The following GRK5 variants were observed in gnomAD, a reference collection of about 807,000 sequenced individuals.
The protein encoded by GRK5 is g protein-coupled receptor kinase GRK5.
A neutral mutation model predicts 78.4 loss-of-function variants in GRK5; 40 were observed. That is an observed-to-expected ratio of 0.51 (90% confidence interval 0.40 to 0.66). The LOEUF (loss-of-function observed/expected upper bound fraction) is 0.66. Among genes scored for constraint, GRK5 ranks in the 30% least tolerant of loss-of-function variants. The pLI is 0.00. For synonymous variants in GRK5, 289 were observed against 296.8 expected (o/e 0.97, Z 0.27); for missense variants, 598 against 759.9 (o/e 0.79, Z 2.50).
intron 4 of GRK5, among the ~76,000 whole-genome samples, chr10:119,409,493 G>A (rs1564923489): frequency 1.3e-5 from 2 of 152,140 alleles, no homozygotes; most frequent in Admixed American, 6.5e-5. Context: ...AGTGTTTCCT[G>A]TCCAGAATGC....
chr10:119,395,825 C>T (rs889451058), intron 3 of GRK5, among the ~76,000 whole-genome samples: 2 of 152,100 alleles, frequency 1.3e-5, no homozygotes, highest in Admixed American at 6.5e-5. Context: ...CTTGGAGGTT[C>T]GAGTCCCAGC....
chr10:119,455,259 A>T lies in GRK5; in HGVS notation c.*192A>T. On this transcript the variant is annotated 3_prime_UTR_variant, in exon 16 of 16. Transcript: ENST00000392870. ...AATTTCCACTCAGGTCTGTTTTCCGAGGCGGCCCCGGCCGGGGTGGATTGG... is the reference window on the plus strand; with the variant it reads ...AATTTCCACTCAGGTCTGTTTTCCGTGGCGGCCCCGGCCGGGGTGGATTGG... 1.4e-6 allele frequency: 1 copy of T among 701,962 alleles called. No homozygotes were observed. Among genetic ancestry groups the T allele is most frequent in the Non-Finnish European group, 2.6e-6 (1 of 385,256 alleles). The allele number at this position is 701,962 out of a possible 1,614,324, so 43.5% of individuals were successfully genotyped here. A position where few individuals can be genotyped will look rare whatever the true frequency, so the allele number is the denominator to read the frequency against.
At chr10:119,382,142 T>C (rs1285326109) in intron 3 of GRK5, among the ~76,000 whole-genome samples, 1 of 151,456 alleles carries the variant, frequency 6.6e-6, no homozygotes. Flanking sequence ...ATCAGGCTCA[T>C]GTGCTTGGCT....
intron 11 of GRK5, 138 bp downstream of exon 11, chr10:119,442,226 A>C: frequency 2.7e-6 from 2 of 752,072 alleles, no homozygotes; most frequent in Non-Finnish European, 4.5e-6. Context: ...CAGTCTCTGC[A>C]GGGCTGCTGG....
chr10:119,370,449 G>A (rs1851528684), intron 2 of GRK5, among the ~76,000 whole-genome samples: 1 of 152,204 alleles, frequency 6.6e-6, no homozygotes, highest in African/African-American at 2.4e-5. Flanking sequence ...GCAGGGCTTG[G>A]TTTGGGTGTG....
chr10:119,272,958 C>T (rs1368275099), intron 1 of GRK5, among the ~76,000 whole-genome samples: 1 of 152,198 alleles, frequency 6.6e-6, no homozygotes, highest in African/African-American at 2.4e-5. Flanking sequence ...AGCTGGCTAG[C>T]CCCTTGGCAG....
chr10:119,356,117 G>T (rs572956473), intron 2 of GRK5, among the ~76,000 whole-genome samples: 1 of 152,302 alleles, frequency 6.6e-6, no homozygotes, highest in South Asian at 2.1e-4. Flanking sequence ...GACACCTAAT[G>T]AACAACAATG....
chr10:119,307,147 A>G (rs976428957), intron 1 of GRK5, among the ~76,000 whole-genome samples: 7 of 152,028 alleles, frequency 4.6e-5, no homozygotes, highest in Non-Finnish European at 7.4e-5. Flanking sequence ...GCCTATATCT[A>G]TGTGGTTACA....
chr10:119,367,464 C>G (rs554237387), intron 2 of GRK5, among the ~76,000 whole-genome samples: 2 of 152,174 alleles, frequency 1.3e-5, no homozygotes, highest in African/African-American at 4.8e-5. Context: ...CACCAAAGAC[C>G]CAGATTGGGT....
intron 4 of GRK5, among the ~76,000 whole-genome samples, chr10:119,415,043 C>G (rs990985273): frequency 7.4e-6 from 1 of 135,936 alleles, no homozygotes; most frequent in African/African-American, 2.8e-5. Flanking sequence ...GATTGTGCCA[C>G]TGCACTCCAG....
intron 15 of GRK5, among the ~76,000 whole-genome samples, chr10:119,454,750 G>T (rs184953198): frequency 6.6e-6 from 1 of 152,270 alleles, no homozygotes; most frequent in African/African-American, 2.4e-5. Flanking sequence ...ATTATAGGAG[G>T]GGCCGCCTCC....
chr10:119,263,361 AT>A (rs1038144278), intron 1 of GRK5, among the ~76,000 whole-genome samples: 3 of 151,740 alleles, frequency 2.0e-5, no homozygotes, highest in East Asian at 1.9e-4. Flanking sequence ...TGGAAAAAAA[AT>A]TTTTTTTTCA....
chr10:119,295,741 G>A (rs1366762915), intron 1 of GRK5, among the ~76,000 whole-genome samples: 3 of 152,068 alleles, frequency 2.0e-5, no homozygotes, highest in Non-Finnish European at 4.4e-5. Flanking sequence ...ACTGATATGT[G>A]GGAGCTGAGA....
At chr10:119,387,229 C>G (rs1851814770) in intron 3 of GRK5, among the ~76,000 whole-genome samples, 1 of 152,144 alleles carries the variant, frequency 6.6e-6, no homozygotes, top group African/African-American at 2.4e-5. Context: ...GTCCTGAATT[C>G]CTGACCTCAA....
chr10:119,240,189 CTTTTTTTTTTT>C (rs55905745), intron 1 of GRK5, among the ~76,000 whole-genome samples: 96 of 70,106 alleles, frequency 1.4e-3, no homozygotes, highest in South Asian at 8.3e-3. Flanking sequence ...TGTTTCCCGA[CTTTTTTTTTTT>C]TTTTTTTTTT....
intron 2 of GRK5, chr10:119,333,410 T>A (rs1370679719): frequency 5.2e-6 from 1 of 191,384 alleles, no homozygotes; most frequent in African/African-American, 2.4e-5. Flanking sequence ...CCTCTGAAGC[T>A]GTAGTCGGAG....
At chr10:119,328,725 G>A (rs1309103572) in intron 2 of GRK5, among the ~76,000 whole-genome samples, 1 of 152,242 alleles carries the variant, frequency 6.6e-6, no homozygotes, top group African/African-American at 2.4e-5. Context: ...CAGGAGGAAA[G>A]CATCTCCAAG....
At chr10:119,228,716 A>G (rs997267107) in intron 1 of GRK5, among the ~76,000 whole-genome samples, 1 of 152,208 alleles carries the variant, frequency 6.6e-6, no homozygotes, top group African/African-American at 2.4e-5. Flanking sequence ...AACCCAGATT[A>G]TGTACAACGA....
chr10:119,318,068 A>G (rs1850521379), intron 1 of GRK5, among the ~76,000 whole-genome samples: 1 of 152,108 alleles, frequency 6.6e-6, no homozygotes, highest in African/African-American at 2.4e-5. Flanking sequence ...ACCGAGAACC[A>G]CTGACTTAAG....
Sources: allele counts gnomAD v4.1 joint callset (sites outside exome capture counted in the v4.1 genomes callset), GRCh38; gene constraint gnomAD v4.1.1; transcripts MANE v1.5; gene names NCBI Gene and HGNC (gene_info 2026-07-23, HGNC 2026-07-21).